The following PTPRN2 variants were observed in gnomAD, a reference collection of about 807,000 sequenced individuals.
The protein encoded by PTPRN2 is protein tyrosine phosphatase receptor type N2.
Under a neutral mutation model 118.8 loss-of-function variants are expected in PTPRN2, and 74 were observed. The ratio of observed to expected loss-of-function variants is 0.62; its 90% CI spans 0.52 to 0.76. The LOEUF (loss-of-function observed/expected upper bound fraction) is 0.76, where lower values mean the gene tolerates loss of function less well. Among genes scored for constraint, PTPRN2 ranks in the 30% least tolerant of loss-of-function variants. The pLI is 0.00. For synonymous variants in PTPRN2, 641 were observed against 608.0 expected (o/e 1.05, Z -0.80); for missense variants, 1,481 against 1,394.4 (o/e 1.06, Z -0.99).
chr7:157,844,140 A>G (rs6459814), intron 12 of PTPRN2, among the ~76,000 whole-genome samples: 114,636 of 150,752 alleles, frequency 0.76, 43,695 homozygotes, highest in East Asian at 0.95. Flanking sequence ...CCTCCACGTC[A>G]TGGGTGTGGA....
intron 11 of PTPRN2, among the ~76,000 whole-genome samples, chr7:157,914,992 AT>A (rs1417522102): frequency 2.0e-5 from 3 of 152,130 alleles, no homozygotes; most frequent in African/African-American, 7.2e-5. Flanking sequence ...TCATTAAAAT[AT>A]ATTTCTTCAA....
chr7:157,540,725 G>A lies in PTPRN2; in HGVS notation c.3037C>T (p.Leu1013Phe). The change falls in exon 23 of 23, where the codon CTT becomes TTT. Residue 1013 changes from leucine (L) to phenylalanine (F), a missense_variant. Around this residue, in one of 3 missense-constraint regions of PTPRN2, gnomAD observed 362 missense variants for 384.1 expected, o/e 0.94. Transcript: ENST00000389418. ...CCTGAGGCTGCCGCTCACTGGGGAA[G>A]GGCCTTGAGGATGGCGTTCACCTCC... Reference protein sequence around the residue: ...AEEVNAILKALPQ With the variant: ...AEEVNAILKAFPQ 1 of 1,564,662 alleles carries A rather than the reference G, an allele frequency of 6.4e-7. No individual in the cohort carries two copies. The highest frequency in any genetic ancestry group is 1.4e-5 in the African/African-American group (1 of 73,768).
At position 157,831,832 on chromosome 7, in the gene PTPRN2, C is replaced by A; in HGVS notation, c.1788+66841G>T. ...CTCACGAGACGTCCCACGAATGGAA[C>A]CCTAGGCCATAAAATATATGGATAT... On this transcript the variant is annotated intron_variant, in intron 12 of 22. Transcript: ENST00000389418. The surrounding 1 kb of genome is among the most constrained non-coding windows in gnomAD (Gnocchi z 4.8). 6.6e-6 allele frequency among the ~76,000 whole-genome samples: 1 copy of A among 152,216 alleles called. No individual in the cohort carries two copies. The highest frequency in any genetic ancestry group is 1.5e-5 in the Non-Finnish European group (1 of 68,036).
At chr7:158,403,053 T>A (rs1200317965) in intron 2 of PTPRN2, among the ~76,000 whole-genome samples, 5 of 152,204 alleles carry the variant, frequency 3.3e-5, no homozygotes, top group African/African-American at 4.8e-5. Context: ...CTTCATATGC[T>A]TCCCAGGGGG....
At chr7:158,333,704 TAA>T (rs1216423484) in intron 2 of PTPRN2, among the ~76,000 whole-genome samples, 1 of 149,166 alleles carries the variant, frequency 6.7e-6, no homozygotes, top group Non-Finnish European at 1.5e-5. Context: ...ACTGTCACCA[TAA>T]GAGCTGAGGC....
At chr7:157,771,979 C>G (rs971879736) in intron 12 of PTPRN2, among the ~76,000 whole-genome samples, 2 of 151,792 alleles carry the variant, frequency 1.3e-5, no homozygotes, top group African/African-American at 4.8e-5. Flanking sequence ...CACACATACA[C>G]ACGGACACAC....
chr7:158,485,906 C>T (rs1182450552), intron 2 of PTPRN2, among the ~76,000 whole-genome samples: 5 of 152,194 alleles, frequency 3.3e-5, no homozygotes, highest in Admixed American at 3.3e-4. Flanking sequence ...CTGAGTTTTT[C>T]ATTTACTTTC....
At chr7:157,651,463 G>A (rs1805651999) in intron 14 of PTPRN2, among the ~76,000 whole-genome samples, 1 of 152,190 alleles carries the variant, frequency 6.6e-6, no homozygotes, top group Admixed American at 6.5e-5. Context: ...GAATGGAGAA[G>A]TATGAAGCCA....
At chr7:158,414,388 C>T (rs1016291553) in intron 2 of PTPRN2, among the ~76,000 whole-genome samples, 13 of 152,238 alleles carry the variant, frequency 8.5e-5, no homozygotes, top group East Asian at 5.8e-4. Context: ...GGTGCCCGGG[C>T]GGTTAACAAT....
At chr7:158,549,937 G>A (rs1563423859) in intron 1 of PTPRN2, among the ~76,000 whole-genome samples, 1 of 152,240 alleles carries the variant, frequency 6.6e-6, no homozygotes, top group South Asian at 2.1e-4. Flanking sequence ...GCACGAAAGG[G>A]AAGCAGGCCT....
At chr7:158,196,897 C>T (rs186262871) in intron 4 of PTPRN2, among the ~76,000 whole-genome samples, 282 of 152,204 alleles carry the variant, frequency 1.9e-3, no homozygotes, top group African/African-American at 6.1e-3. Context: ...CTTAGAAATA[C>T]GACACTGAAG....
rs1554453197 is a variant in PTPRN2, at chr7:157,805,320, T to TGTGC, written c.1788+93349_1788+93352dup. Among the ~76,000 whole-genome samples, 9 of 149,320 alleles carry TGTGC rather than the reference T, an allele frequency of 6.0e-5. No individual in the cohort carries two copies. In the East Asian group the frequency reaches 1.9e-3, roughly 31 times the overall value. On this transcript the variant is annotated intron_variant, in intron 12 of 22. Transcript: ENST00000389418. ...GTGTGTGTGTGTGTGTGTGTGTGCG[T>TGTGC]GTGCAAATACATCATCAACTGAAGG... is the stretch of plus-strand genomic sequence containing the variant.
chr7:158,359,173 G>C (rs1209821011), intron 2 of PTPRN2, among the ~76,000 whole-genome samples: 1 of 152,192 alleles, frequency 6.6e-6, no homozygotes, highest in Non-Finnish European at 1.5e-5. Flanking sequence ...GAAATCCAAA[G>C]TGATTCACGC....
At chr7:158,545,586 ATGAGGAGC>A (rs1214975863) in intron 1 of PTPRN2, among the ~76,000 whole-genome samples, 1 of 152,146 alleles carries the variant, frequency 6.6e-6, no homozygotes, top group African/African-American at 2.4e-5. Flanking sequence ...CGTGTGGCTG[ATGAGGAGC>A]TGAGGGCCAC....
intron 3 of PTPRN2, among the ~76,000 whole-genome samples, chr7:158,276,753 C>T (rs1212231468): frequency 6.6e-6 from 1 of 152,242 alleles, no homozygotes; most frequent in South Asian, 2.1e-4. Flanking sequence ...TGCTGCGGGG[C>T]CCTGATGCCA....
At chr7:158,502,514 G>A (rs1429363315) in intron 1 of PTPRN2, among the ~76,000 whole-genome samples, 1 of 152,062 alleles carries the variant, frequency 6.6e-6, no homozygotes. Flanking sequence ...AGGGGTCCAT[G>A]GCCACCAGCC....
chr7:158,490,424 AG>A (rs1821363132), intron 1 of PTPRN2, among the ~76,000 whole-genome samples: 1 of 152,206 alleles, frequency 6.6e-6, no homozygotes, highest in Non-Finnish European at 1.5e-5. Flanking sequence ...CCACCCAGGA[AG>A]GGGCTCCAGA....
intron 3 of PTPRN2, among the ~76,000 whole-genome samples, chr7:158,248,632 A>T (rs1796413412): frequency 6.6e-6 from 1 of 151,360 alleles, no homozygotes; most frequent in South Asian, 2.1e-4. Flanking sequence ...ACACGCACAC[A>T]CACCACACAT....
intron 9 of PTPRN2, among the ~76,000 whole-genome samples, chr7:158,130,809 A>AAC (rs779020357): frequency 1.4e-5 from 2 of 145,410 alleles, no homozygotes. Flanking sequence ...TCATCTACCC[A>AAC]ACACACACAC....
Sources: allele counts gnomAD v4.1 joint callset (sites outside exome capture counted in the v4.1 genomes callset), GRCh38; gene constraint gnomAD v4.1.1; regional missense constraint gnomAD v4.1.1; non-coding constraint Gnocchi (gnomAD v3.1); transcripts MANE v1.5; gene names NCBI Gene and HGNC (gene_info 2026-07-23, HGNC 2026-07-21).